Variants in IMPG1 observed in about 807,000 individuals in gnomAD.
IMPG1 encodes the protein interphotoreceptor matrix proteoglycan of 150 kDa.
In IMPG1, 85 loss-of-function variants were observed where a neutral mutation model predicts 92.0. That is an observed-to-expected ratio of 0.92 (90% CI 0.78 to 1.11). The LOEUF is 1.11. Among genes scored for constraint, IMPG1 ranks in the 50% least tolerant of loss-of-function variants. The pLI is 0.00. For synonymous variants in IMPG1, 367 were observed against 334.1 expected (o/e 1.10, Z -1.08); for missense variants, 1,022 against 956.0 (o/e 1.07, Z -0.91).
intron 13 of IMPG1, among the ~76,000 whole-genome samples, chr6:75,949,273 CCTT>C (rs1781985304): frequency 6.6e-6 from 1 of 152,144 alleles, no homozygotes; most frequent in African/African-American, 2.4e-5. Context: ...GTCATAAAGA[CCTT>C]ACTGATAAAA....
intron 12 of IMPG1, among the ~76,000 whole-genome samples, chr6:76,002,420 T>A (rs1783008129): frequency 2.0e-5 from 3 of 152,246 alleles, no homozygotes; most frequent in African/African-American, 7.2e-5. Context: ...TACTTACACA[T>A]GTGCTAATTT....
At chr6:75,930,054 C>A (rs1781638032) in intron 15 of IMPG1, among the ~76,000 whole-genome samples, 1 of 152,286 alleles carries the variant, frequency 6.6e-6, no homozygotes, top group African/African-American at 2.4e-5. Flanking sequence ...ATATAGGTTG[C>A]ATTATATAGA....
chr6:75,993,446 C>A (rs1239969623), intron 12 of IMPG1, among the ~76,000 whole-genome samples: 1 of 151,294 alleles, frequency 6.6e-6, no homozygotes, highest in Non-Finnish European at 1.5e-5. Flanking sequence ...CTAGTTGTAT[C>A]CCCACATGGC....
At chr6:76,055,842 A>T (rs574381684) in intron 1 of IMPG1, among the ~76,000 whole-genome samples, 14 of 152,072 alleles carry the variant, frequency 9.2e-5, no homozygotes, top group Non-Finnish European at 2.1e-4. Context: ...AATTTGTAGA[A>T]ACGTGTAACT....
intron 1 of IMPG1, 32 bp downstream of exon 1, chr6:76,072,390 G>A (rs556733027): frequency 3.8e-5 from 45 of 1,185,222 alleles, no homozygotes; most frequent in Non-Finnish European, 5.3e-5. Flanking sequence ...TTATAGATAA[G>A]CAATTTAAAA....
At chr6:75,943,147 C>T (rs2149454597) in intron 14 of IMPG1, among the ~76,000 whole-genome samples, 1 of 152,218 alleles carries the variant, frequency 6.6e-6, no homozygotes, top group Admixed American at 6.5e-5. Flanking sequence ...TGTGTTTGTG[C>T]ACCTGACTAC....
chr6:75,936,927 A>C (rs1470168010), intron 14 of IMPG1, among the ~76,000 whole-genome samples: 1 of 152,170 alleles, frequency 6.6e-6, no homozygotes, highest in Non-Finnish European at 1.5e-5. Context: ...AGCTCCATGC[A>C]GTGGTTGGGG....
chr6:76,029,636 T>A (rs1783620069), intron 4 of IMPG1, among the ~76,000 whole-genome samples: 1 of 152,160 alleles, frequency 6.6e-6, no homozygotes, highest in African/African-American at 2.4e-5. Flanking sequence ...AATGTAGAAA[T>A]CTGGATCAAT....
chr6:75,979,264 AGG>A (rs1268569404), intron 12 of IMPG1, among the ~76,000 whole-genome samples: 1 of 152,152 alleles, frequency 6.6e-6, no homozygotes, highest in African/African-American at 2.4e-5. Context: ...GTCCTCAATA[AGG>A]CTGACATTGG....
intron 12 of IMPG1, among the ~76,000 whole-genome samples, chr6:75,954,604 G>A (rs1258664518): frequency 6.6e-6 from 1 of 152,128 alleles, no homozygotes; most frequent in Non-Finnish European, 1.5e-5. Context: ...CTGTGCAGAA[G>A]CTCCTTAGTT....
At chr6:76,068,832 A>G (rs12661134) in intron 1 of IMPG1, among the ~76,000 whole-genome samples, 7,611 of 152,126 alleles carry the variant, frequency 0.05, 295 homozygotes, top group Admixed American at 0.092. Flanking sequence ...CATACTTCTT[A>G]AAACAATCCC....
chr6:75,956,783 G>C (rs797001210), intron 12 of IMPG1, among the ~76,000 whole-genome samples: 1 of 151,606 alleles, frequency 6.6e-6, no homozygotes, highest in South Asian at 2.1e-4. Flanking sequence ...AGAGATTCTG[G>C]TACATTGTGT....
In IMPG1 at chr6:76,005,313, T is replaced by A. The variant is rs1783075220; in HGVS notation, c.1109A>T (p.Asp370Val). 2 of 1,614,004 alleles carry A rather than the reference T, an allele frequency of 1.2e-6. No homozygotes were observed. Among genetic ancestry groups the A allele is most frequent in the Middle Eastern group, 1.7e-4 (1 of 6,060 alleles). Residue 370 changes from aspartate (D) to valine (V), a missense_variant, in exon 10 of 17, where the codon GAT becomes GTT. Coordinates refer to ENST00000369950, the MANE Select transcript of IMPG1 (RefSeq NM_001563.4). Reference sequence around the variant, plus strand: ...ATCAGTGAACTGAATTGTCCCCACATCCAAAGATTGTTCTTCCTCTAGTGC... The same window carrying A: ...ATCAGTGAACTGAATTGTCCCCACAACCAAAGATTGTTCTTCCTCTAGTGC... ...SKALEEEQSL[D>V]VGTIQFTDEI...
In IMPG1 at chr6:75,951,078, T is replaced by G; in HGVS notation, c.1308A>C (p.Pro436=). The change falls in exon 13 of 17, where the codon CCA becomes CCC. Residue 436 remains proline (P), a synonymous_variant. Transcript: ENST00000369950. ...EHGLPDTSWS[P]PAMASTSLSE... ...ACAGGGAGGTAGAGGCCATAGCAGGTGGAGACCAAGAAGTGTCTGTGGAGG... is the reference window on the plus strand; with the variant it reads ...ACAGGGAGGTAGAGGCCATAGCAGGGGGAGACCAAGAAGTGTCTGTGGAGG... 1 of 1,609,820 alleles carries G rather than the reference T, an allele frequency of 6.2e-7. No individual in the cohort carries two copies.
At chr6:75,980,870 C>T (rs529137760) in intron 12 of IMPG1, among the ~76,000 whole-genome samples, 43 of 152,286 alleles carry the variant, frequency 2.8e-4, no homozygotes, top group African/African-American at 9.9e-4. Context: ...AGTTCTGTCC[C>T]TCTAGAGAAC....
At position 75,951,036 on chromosome 6, in the gene IMPG1, G is replaced by A. The variant is rs1273759484; in HGVS notation, c.1350C>T (p.Phe450=). 1.9e-5 allele frequency: 31 copies of A among 1,613,822 alleles called. No homozygotes were observed. Among genetic ancestry groups the A allele is most frequent in the Non-Finnish European group, 2.6e-5 (31 of 1,179,814 alleles). ...GAGAGAAGATGCTTGATGCCATAAA[G>A]AAAGGTGGAGCTTCTGACAGGGAGG... is the stretch of plus-strand genomic sequence containing the variant. ...ASTSLSEAPP[F]FMASSIFSLT... The change falls in exon 13 of 17, where the codon TTC becomes TTT. Residue 450 remains phenylalanine, a synonymous_variant. Transcript: ENST00000369950.
chr6:76,004,734 T>C (rs1012617901), intron 10 of IMPG1, among the ~76,000 whole-genome samples: 3 of 152,154 alleles, frequency 2.0e-5, no homozygotes, highest in African/African-American at 4.8e-5. Flanking sequence ...ATATGGACTA[T>C]ATCAATGGTT....
intron 1 of IMPG1, among the ~76,000 whole-genome samples, chr6:76,055,336 G>A (rs998722544): frequency 5.3e-5 from 8 of 152,002 alleles, no homozygotes; most frequent in African/African-American, 1.4e-4. Context: ...AATAATTATC[G>A]TTATTAGAGA....
intron 1 of IMPG1, among the ~76,000 whole-genome samples, chr6:76,057,951 A>T (rs1784147261): frequency 6.6e-6 from 1 of 150,896 alleles, no homozygotes; most frequent in African/African-American, 2.4e-5. Context: ...CTTTTTCTAA[A>T]TAAAGGTGTG....
Sources: gnomAD v4.1 joint callset for allele counts (sites outside exome capture counted in the v4.1 genomes callset) on GRCh38, gnomAD v4.1.1 for gene constraint, MANE v1.5 for transcripts, NCBI Gene and HGNC (gene_info 2026-07-23, HGNC 2026-07-21) for gene names.